The following NPAS3 variants were observed in gnomAD, a reference collection of about 807,000 sequenced individuals.
The protein encoded by NPAS3 is neuronal PAS domain-containing protein 3.
NPAS3 carries 14 observed loss-of-function variants against 73.1 expected under a neutral mutation model. The ratio of observed to expected loss-of-function variants is 0.19; its 90% CI spans 0.13 to 0.30. The LOEUF (loss-of-function observed/expected upper bound fraction) is 0.30, where lower values mean the gene tolerates loss of function less well. NPAS3 is among the 10% of genes least tolerant of loss of function. The pLI is 1.00. For missense variants in NPAS3, 1,096 were observed against 1,250.0 expected, an observed-to-expected ratio of 0.88 and a Z score of 1.86; for synonymous variants, 620 against 541.5, an observed-to-expected ratio of 1.14 and a Z score of -2.01.
Position 33,166,555 on chromosome 14 carries a change from T to C in NPAS3, c.141-48627T>C, listed in dbSNP as rs185623437. On this transcript the variant is annotated intron_variant, in intron 2 of 11. Coordinates refer to ENST00000356141, the Ensembl canonical transcript of NPAS3. ...TTTTTCCCTCCATATCCTAGCCCAA[T>C]GCCTTTCAGTTCTCCATAAATGCTT... Among the ~76,000 whole-genome samples the C allele has an allele frequency of 2.4e-3, 368 of 152,294 alleles. 8 individuals carry two copies. The highest frequency in any genetic ancestry group is 9.7e-4 in the Non-Finnish European group (66 of 68,018).
chr14:33,085,825 G>T (rs539229011), intron 2 of NPAS3, among the ~76,000 whole-genome samples: 1 of 152,168 alleles, frequency 6.6e-6, no homozygotes, highest in African/African-American at 2.4e-5. Flanking sequence ...GTATTATTAC[G>T]ATTGAAAGTA....
At chr14:33,155,610 A>G (rs2044618220) in intron 2 of NPAS3, among the ~76,000 whole-genome samples, 1 of 152,172 alleles carries the variant, frequency 6.6e-6, no homozygotes, top group South Asian at 2.1e-4. Flanking sequence ...TGCTTAAGAG[A>G]TATGAATATA....
chr14:33,133,855 C>T lies in NPAS3; in HGVS notation c.140+77861C>T, dbSNP rs370823998. Reference sequence around the variant, plus strand: ...GAAGCCACGGGCATTCCAGATGATTCTAGTCCATCAAAGAAAATTTCTTGG... The same window carrying T: ...GAAGCCACGGGCATTCCAGATGATTTTAGTCCATCAAAGAAAATTTCTTGG... On this transcript the variant is annotated intron_variant, in intron 2 of 11. Coordinates refer to ENST00000356141, the Ensembl canonical transcript of NPAS3. Among the ~76,000 whole-genome samples, 87 of 152,228 alleles carry T rather than the reference C, an allele frequency of 5.7e-4. 1 individual carries two copies. The South Asian group carries it at 0.017, about 30-fold the overall frequency.
At chr14:33,544,294 C>A (rs940055623) in intron 4 of NPAS3, among the ~76,000 whole-genome samples, 8 of 152,080 alleles carry the variant, frequency 5.3e-5, no homozygotes, top group Middle Eastern at 3.4e-3. Context: ...AGGCATGAGC[C>A]ACTGCACCCA....
chr14:33,455,285 G>T (rs988183497), intron 4 of NPAS3, among the ~76,000 whole-genome samples: 3 of 152,116 alleles, frequency 2.0e-5, no homozygotes, highest in African/African-American at 7.2e-5. Flanking sequence ...TTGTATTTCA[G>T]CTCCTAAGTT....
intron 5 of NPAS3, among the ~76,000 whole-genome samples, chr14:33,674,134 C>G (rs900251053): frequency 6.6e-6 from 1 of 152,146 alleles, no homozygotes; most frequent in South Asian, 2.1e-4. Context: ...AAGGAAGTAT[C>G]TGCACATCCG....
At chr14:33,016,628 A>C (rs901619696) in intron 1 of NPAS3, among the ~76,000 whole-genome samples, 2 of 151,938 alleles carry the variant, frequency 1.3e-5, no homozygotes, top group East Asian at 1.9e-4. Context: ...AAAAAAAAAA[A>C]AAAACGACCT....
chr14:33,655,900 A>G (rs1261701708), intron 5 of NPAS3, among the ~76,000 whole-genome samples: 1 of 152,146 alleles, frequency 6.6e-6, no homozygotes, highest in Non-Finnish European at 1.5e-5. Flanking sequence ...TCTATTTGCA[A>G]ACAAACATCC....
chr14:33,605,663 A>C (rs2057536687), intron 5 of NPAS3, among the ~76,000 whole-genome samples: 1 of 152,182 alleles, frequency 6.6e-6, no homozygotes, highest in Non-Finnish European at 1.5e-5. Flanking sequence ...CTTAAGGACA[A>C]ATCTGACAAA....
intron 5 of NPAS3, among the ~76,000 whole-genome samples, chr14:33,582,804 T>A (rs2056718468): frequency 6.6e-6 from 1 of 152,064 alleles, no homozygotes; most frequent in Admixed American, 6.6e-5. Context: ...AATGGAGAAA[T>A]CCCTGTCTTA....
chr14:32,980,325 A>G (rs1306408036), intron 1 of NPAS3, among the ~76,000 whole-genome samples: 4 of 152,268 alleles, frequency 2.6e-5, no homozygotes, highest in Non-Finnish European at 5.9e-5. Context: ...GAGCTTTGAA[A>G]AGGTTTGACT....
chr14:33,199,024 GC>G (rs1566667887), intron 2 of NPAS3, among the ~76,000 whole-genome samples: 1 of 152,200 alleles, frequency 6.6e-6, no homozygotes, highest in Non-Finnish European at 1.5e-5. Context: ...CGGCCTGCTG[GC>G]CGCTCCAAGT....
chr14:33,416,227 A>T (rs2048140589), intron 4 of NPAS3, among the ~76,000 whole-genome samples: 2 of 152,066 alleles, frequency 1.3e-5, no homozygotes, highest in Admixed American at 1.3e-4. Flanking sequence ...ATTCCCTGAT[A>T]ATAAAACTGA....
chr14:32,988,142 T>C (rs1376845139), intron 1 of NPAS3, among the ~76,000 whole-genome samples: 1 of 152,170 alleles, frequency 6.6e-6, no homozygotes, highest in Non-Finnish European at 1.5e-5. Flanking sequence ...ATTTGGTGAT[T>C]TGTTGCCTAT....
At chr14:33,523,560 C>T (rs567817691) in intron 4 of NPAS3, among the ~76,000 whole-genome samples, 6 of 151,162 alleles carry the variant, frequency 4.0e-5, no homozygotes, top group Non-Finnish European at 8.8e-5. Flanking sequence ...GTCAGGAGTT[C>T]GAAATTAGCC....
At chr14:33,797,312 G>A in intron 10 of NPAS3, 145 bp from the exon 11 acceptor site, 1 of 873,888 alleles carries the variant, frequency 1.1e-6, no homozygotes, top group Non-Finnish European at 1.7e-6. Flanking sequence ...AAAATCCCAT[G>A]AAGAGCTGAG....
At chr14:33,068,198 T>G (rs1299054106) in intron 2 of NPAS3, among the ~76,000 whole-genome samples, 1 of 152,250 alleles carries the variant, frequency 6.6e-6, no homozygotes, top group Non-Finnish European at 1.5e-5. Context: ...AATCACTGAC[T>G]GCTCCATCTC....
intron 3 of NPAS3, among the ~76,000 whole-genome samples, chr14:33,344,021 C>T (rs868116526): frequency 3.3e-5 from 5 of 152,162 alleles, no homozygotes; most frequent in Non-Finnish European, 7.3e-5. Flanking sequence ...GTTCCCTTTA[C>T]GTGTTGTGAC....
chr14:33,744,450 T>C (rs565326683), intron 7 of NPAS3, among the ~76,000 whole-genome samples: 1 of 152,214 alleles, frequency 6.6e-6, no homozygotes, highest in African/African-American at 2.4e-5. Context: ...ATAACAGTAA[T>C]ATCAAAGATC....
Sources: gnomAD v4.1 joint callset for allele counts (sites outside exome capture counted in the v4.1 genomes callset) on GRCh38, gnomAD v4.1.1 for gene constraint, MANE v1.5 for transcripts, NCBI Gene and HGNC (gene_info 2026-07-23, HGNC 2026-07-21) for gene names.